Variants in OSBPL2 observed in about 807,000 individuals in gnomAD.
OSBPL2 encodes oxysterol-binding protein-related protein 2.
In OSBPL2, 18 loss-of-function variants were observed where a neutral mutation model predicts 58.4. That is an observed-to-expected ratio of 0.31 (90% CI 0.21 to 0.46). OSBPL2 has a LOEUF of 0.46. OSBPL2 is among the 20% of genes least tolerant of loss of function. OSBPL2 has a pLI of 1.00. For synonymous variants in OSBPL2, 221 were observed against 234.1 expected (o/e 0.94, Z 0.51); for missense variants, 461 against 616.5 (o/e 0.75, Z 2.67).
rs569875324 is a variant in OSBPL2, at chr20:62,259,509, G to A, written c.38-472G>A. ...GGGTACAGTTTAGTGGTGCCTTTGC[G>A]TGCCACGATGGTCTCCCTTGAAACA... On this transcript the variant is annotated intron_variant, in intron 2 of 13. Transcript: ENST00000313733. 1.9e-3 allele frequency among the ~76,000 whole-genome samples: 293 copies of A among 152,244 alleles called. 1 individual carries two copies. The highest frequency in any genetic ancestry group is 6.5e-3 in the African/African-American group (271 of 41,544).
At chr20:62,238,861 C>G (rs1195209406) in intron 1 of OSBPL2, 1 of 150,542 alleles carries the variant, frequency 6.6e-6, no homozygotes, top group African/African-American at 2.5e-5. Context: ...GCCTGGGTCC[C>G]GCGGCCCCCG....
In OSBPL2 at chr20:62,294,024, A is replaced by G. The variant is rs1159222761; in HGVS notation, c.*137A>G. 2 of 1,163,194 alleles carry G rather than the reference A, an allele frequency of 1.7e-6. No individual in the cohort carries two copies. The highest frequency in any genetic ancestry group is 2.3e-6 in the Non-Finnish European group (2 of 852,788). 72.1% of individuals were successfully genotyped at this position (1,163,194 alleles called of 1,614,324 possible). A position where few individuals can be genotyped will look rare whatever the true frequency, so the allele number is the denominator to read the frequency against. Reference sequence around the variant, plus strand: ...CGCGGAGATAGCATCATCCCTGATCAAGGATGTAATTCTAATTAACTGTTG... The same window carrying G: ...CGCGGAGATAGCATCATCCCTGATCGAGGATGTAATTCTAATTAACTGTTG... On this transcript the variant is annotated 3_prime_UTR_variant, in exon 14 of 14. Transcript: ENST00000313733.
intron 1 of OSBPL2, among the ~76,000 whole-genome samples, chr20:62,243,294 A>G (rs1013358452): frequency 1.3e-5 from 2 of 152,148 alleles, no homozygotes; most frequent in Non-Finnish European, 2.9e-5. Context: ...CGCTGTAATC[A>G]TCACCCGTCT....
At chr20:62,265,298 G>C (rs949966269) in intron 4 of OSBPL2, among the ~76,000 whole-genome samples, 4 of 152,090 alleles carry the variant, frequency 2.6e-5, no homozygotes, top group Admixed American at 2.6e-4. Context: ...TCTGTGAGTT[G>C]AATTCCAGTA....
At chr20:62,289,144 T>C in intron 11 of OSBPL2, 63 bp from the exon 12 acceptor site, 1 of 1,584,216 alleles carries the variant, frequency 6.3e-7, no homozygotes, top group Non-Finnish European at 8.6e-7. Context: ...ACTGGGGGTC[T>C]TGGAGCATAG....
At chr20:62,272,864 C>T (rs1359456420) in intron 5 of OSBPL2, among the ~76,000 whole-genome samples, 1 of 152,222 alleles carries the variant, frequency 6.6e-6, no homozygotes, top group East Asian at 1.9e-4. Context: ...CCACTGCACT[C>T]CAGCCTGGGT....
intron 1 of OSBPL2, chr20:62,242,386 T>A (rs1979791055): frequency 6.6e-6 from 1 of 152,276 alleles, no homozygotes; most frequent in Admixed American, 6.5e-5. Context: ...CCGCTGGAGC[T>A]TCTGCTGATG....
chr20:62,239,584 C>T (rs932301658), intron 1 of OSBPL2, among the ~76,000 whole-genome samples: 1 of 152,142 alleles, frequency 6.6e-6, no homozygotes, highest in Non-Finnish European at 1.5e-5. Flanking sequence ...GAGAAGGGGT[C>T]CCATTCGGTT....
At chr20:62,244,412 G>A (rs1008865383) in intron 1 of OSBPL2, among the ~76,000 whole-genome samples, 1 of 152,208 alleles carries the variant, frequency 6.6e-6, no homozygotes, top group Non-Finnish European at 1.5e-5. Context: ...TGCCCTTGGA[G>A]TGCTCTCCCT....
chr20:62,260,639 C>T (rs1601165473), intron 3 of OSBPL2, among the ~76,000 whole-genome samples: 1 of 152,160 alleles, frequency 6.6e-6, no homozygotes. Flanking sequence ...TTTCCTCCTC[C>T]TCCACGTTCG....
chr20:62,278,494 G>A (rs957194003), intron 6 of OSBPL2: 2 of 158,886 alleles, frequency 1.3e-5, no homozygotes, highest in African/African-American at 5.6e-5. Context: ...TAGGCCAAGT[G>A]CGATGTCATG....
chr20:62,243,344 G>C (rs1979861025), intron 1 of OSBPL2, among the ~76,000 whole-genome samples: 1 of 152,212 alleles, frequency 6.6e-6, no homozygotes, highest in Non-Finnish European at 1.5e-5. Context: ...TGGAACACCT[G>C]AGCGGAAGCA....
intron 9 of OSBPL2, among the ~76,000 whole-genome samples, chr20:62,283,814 G>A (rs568644580): frequency 1.3e-5 from 2 of 152,144 alleles, no homozygotes; most frequent in Admixed American, 6.5e-5. Flanking sequence ...CCTGCAGCCC[G>A]GTGGGCTGTC....
At chr20:62,256,356 C>T (rs1005379938) in intron 2 of OSBPL2, 135 bp downstream of exon 2, 72 of 700,008 alleles carry the variant, frequency 1.0e-4, no homozygotes, top group Non-Finnish European at 7.7e-5. Context: ...ATCCCAAACA[C>T]GGACTGTTCA....
intron 7 of OSBPL2, 46 bp downstream of exon 7, chr20:62,279,385 G>A (rs1479076454): frequency 6.3e-7 from 1 of 1,580,654 alleles, no homozygotes; most frequent in East Asian, 2.2e-5. Context: ...TGCAGAAACT[G>A]AAATGGGTGC....
chr20:62,273,259 C>T (rs751667447), intron 5 of OSBPL2, 50 bp from the exon 6 acceptor site: 24 of 1,440,712 alleles, frequency 1.7e-5, no homozygotes, highest in Middle Eastern at 1.8e-4. Context: ...TCTTCTCCAG[C>T]GCGTTTCCTA....
rs1980700046 is a variant in OSBPL2 at position 62,253,409 on chromosome 20, G to GT, written c.-128-2647dup. ...AACTCTGGACTTGAATGTATTCACC[G>GT]TGTTTCAGCCTTTTCCCATGTACTG... On this transcript the variant is annotated intron_variant, in intron 1 of 13. Transcript: ENST00000313733. Among the ~76,000 whole-genome samples the GT allele has an allele frequency of 3.9e-5, 6 of 152,326 alleles. No individual in the cohort carries two copies. In the South Asian group the frequency reaches 1.2e-3, roughly 32 times the overall value.
At position 62,288,058 on chromosome 20, in the gene OSBPL2, G is replaced by C. The variant is rs1264692358; in HGVS notation, c.1126-1149G>C. ...AGGGGTGGGGGTGTCTAGGGATTGC[G>C]TTTGGGCGGAGGGGACAGTCAGGGC... On this transcript the variant is annotated intron_variant, in intron 11 of 13. Transcript: ENST00000313733. This position sits in a 1 kb window ranked among gnomAD's most constrained non-coding sequence, Gnocchi z 4.8. Among the ~76,000 whole-genome samples the C allele has an allele frequency of 6.6e-6, 1 of 152,122 alleles. No homozygotes were observed. Among genetic ancestry groups the C allele is most frequent in the Non-Finnish European group, 1.5e-5 (1 of 68,006 alleles).
chr20:62,253,884 C>T (rs182325880), intron 1 of OSBPL2, among the ~76,000 whole-genome samples: 148 of 152,128 alleles, frequency 9.7e-4, no homozygotes, highest in African/African-American at 3.5e-3. Flanking sequence ...CTCTGCCTCC[C>T]GGGTTCAAGC....
Sources: allele counts gnomAD v4.1 joint callset (sites outside exome capture counted in the v4.1 genomes callset), GRCh38; gene constraint gnomAD v4.1.1; non-coding constraint Gnocchi (gnomAD v3.1); transcripts MANE v1.5; gene names NCBI Gene and HGNC (gene_info 2026-07-23, HGNC 2026-07-21).